The following KIAA1328 variants were observed in gnomAD, a reference collection of about 807,000 sequenced individuals.
KIAA1328 encodes the protein protein hinderin.
A neutral mutation model predicts 68.1 loss-of-function variants in KIAA1328; 52 were observed. The observed-to-expected ratio is 0.76, with a 90% CI of 0.61 to 0.96. The LOEUF is 0.96. KIAA1328 is among the 40% of genes least tolerant of loss of function. The probability of loss-of-function intolerance (pLI) is 0.00; values close to 1 mark genes in which losing one functional copy is unlikely to be tolerated. For missense variants in KIAA1328, 641 were observed against 677.6 expected (o/e 0.95, Z 0.60); for synonymous variants, 232 against 239.4 (o/e 0.97, Z 0.28).
chr18:36,991,941 G>A (rs2151419522), intron 6 of KIAA1328, among the ~76,000 whole-genome samples: 1 of 152,318 alleles, frequency 6.6e-6, no homozygotes, highest in African/African-American at 2.4e-5. Flanking sequence ...AGTTGTAGTT[G>A]TTCGGGGGCC....
chr18:36,988,094 A>G (rs2053020101), intron 6 of KIAA1328, among the ~76,000 whole-genome samples: 1 of 152,340 alleles, frequency 6.6e-6, no homozygotes, highest in East Asian at 1.9e-4. Flanking sequence ...GACACATTAC[A>G]CAGGCTTTAA....
At chr18:37,026,593 C>G (rs1240849191) in intron 6 of KIAA1328, among the ~76,000 whole-genome samples, 1 of 152,118 alleles carries the variant, frequency 6.6e-6, no homozygotes, top group Non-Finnish European at 1.5e-5. Context: ...AAATGTAATC[C>G]ATTGTATAAA....
chr18:37,194,823 G>A (rs925509698), intron 9 of KIAA1328, among the ~76,000 whole-genome samples: 2 of 152,072 alleles, frequency 1.3e-5, no homozygotes, highest in Non-Finnish European at 2.9e-5. Flanking sequence ...ACCACGCCCA[G>A]CTAATTTTTG....
chr18:37,197,033 C>G (rs2060016291), intron 9 of KIAA1328, among the ~76,000 whole-genome samples: 1 of 151,570 alleles, frequency 6.6e-6, no homozygotes, highest in Admixed American at 6.6e-5. Context: ...TGTCCAGGAA[C>G]CTCTCTATTT....
chr18:37,071,502 A>G lies in KIAA1328; in HGVS notation c.1232+3957A>G, dbSNP rs528528575. ...AATAATGCAACAATAAAACTATTAC[A>G]AATAAAAAATATAGTATAGCAAATA... is the stretch of plus-strand genomic sequence containing the variant. On this transcript the variant is annotated intron_variant, in intron 7 of 9. Coordinates refer to ENST00000280020, the MANE Select transcript of KIAA1328 (RefSeq NM_020776.3). Among the ~76,000 whole-genome samples, 13 of 152,344 alleles carry G rather than the reference A, an allele frequency of 8.5e-5. No individual in the cohort carries two copies. The South Asian group carries it at 2.7e-3, about 32-fold the overall frequency.
chr18:37,162,689 C>G (rs2059307681), intron 8 of KIAA1328, among the ~76,000 whole-genome samples: 2 of 152,152 alleles, frequency 1.3e-5, no homozygotes, highest in South Asian at 4.1e-4. Flanking sequence ...GCTTTACCCT[C>G]TTTAGTGTGT....
intron 5 of KIAA1328, among the ~76,000 whole-genome samples, chr18:36,917,410 T>TG (rs1003635156): frequency 6.6e-6 from 1 of 152,046 alleles, no homozygotes; most frequent in Non-Finnish European, 1.5e-5. Context: ...TTTTTAGAGA[T>TG]GGGGTCTCAC....
intron 5 of KIAA1328, among the ~76,000 whole-genome samples, chr18:36,947,293 G>A (rs2050942908): frequency 6.6e-6 from 1 of 152,196 alleles, no homozygotes; most frequent in South Asian, 2.1e-4. Flanking sequence ...TGCCAAATAT[G>A]GGTGACCAAG....
chr18:36,863,679 T>G (rs2047645911), intron 4 of KIAA1328, among the ~76,000 whole-genome samples: 1 of 152,170 alleles, frequency 6.6e-6, no homozygotes, highest in Non-Finnish European at 1.5e-5. Context: ...ATTTAGGTCT[T>G]TGATTTCTTA....
chr18:36,893,891 G>A (rs1263176380), intron 5 of KIAA1328, among the ~76,000 whole-genome samples: 1 of 152,068 alleles, frequency 6.6e-6, no homozygotes, highest in Non-Finnish European at 1.5e-5. Flanking sequence ...ATGGTATTCG[G>A]AGGCAAGACA....
intron 6 of KIAA1328, among the ~76,000 whole-genome samples, chr18:37,018,125 C>T (rs1444093367): frequency 1.3e-5 from 2 of 152,064 alleles, no homozygotes; most frequent in Non-Finnish European, 1.5e-5. Flanking sequence ...CTTAGAACTC[C>T]CGTAAGGCTC....
chr18:36,833,585 A>G (rs2046571023), intron 1 of KIAA1328, among the ~76,000 whole-genome samples: 1 of 152,178 alleles, frequency 6.6e-6, no homozygotes, highest in African/African-American at 2.4e-5. Context: ...CCACTGTGTG[A>G]AAAAATAGGC....
At chr18:36,939,048 G>T (rs2050610555) in intron 5 of KIAA1328, among the ~76,000 whole-genome samples, 1 of 152,038 alleles carries the variant, frequency 6.6e-6, no homozygotes, top group Admixed American at 6.6e-5. Context: ...TGTTCTTGTT[G>T]CTCAAAACTT....
At chr18:36,946,969 G>C (rs2151206601) in intron 5 of KIAA1328, among the ~76,000 whole-genome samples, 1 of 152,232 alleles carries the variant, frequency 6.6e-6, no homozygotes, top group East Asian at 1.9e-4. Flanking sequence ...TGCTTCGTGT[G>C]GGAGAAAGAA....
intron 7 of KIAA1328, among the ~76,000 whole-genome samples, chr18:37,091,020 C>T (rs1013449069): frequency 2.6e-5 from 4 of 152,098 alleles, no homozygotes; most frequent in Admixed American, 6.5e-5. Context: ...AGAATATAGA[C>T]GTTCTCTTGA....
chr18:37,036,151 G>A (rs1271090538), intron 6 of KIAA1328, among the ~76,000 whole-genome samples: 1 of 152,178 alleles, frequency 6.6e-6, no homozygotes, highest in East Asian at 1.9e-4. Flanking sequence ...ACAGATCTTG[G>A]TGCTGCCTTG....
chr18:37,178,279 C>T (rs2059632700), intron 9 of KIAA1328, among the ~76,000 whole-genome samples: 1 of 152,116 alleles, frequency 6.6e-6, no homozygotes, highest in African/African-American at 2.4e-5. Context: ...GTTTCTAGAT[C>T]CCACATACAA....
chr18:37,048,679 A>G (rs952856619), intron 6 of KIAA1328, among the ~76,000 whole-genome samples: 4 of 152,214 alleles, frequency 2.6e-5, no homozygotes, highest in East Asian at 3.8e-4. Context: ...CTAAAAAGCC[A>G]TAAAGATCCC....
intron 9 of KIAA1328, chr18:37,193,662 A>G: frequency 1.4e-6 from 1 of 702,580 alleles, no homozygotes; most frequent in Non-Finnish European, 2.6e-6. Flanking sequence ...ACAAAATGCT[A>G]GGCTACACGG....
Sources: allele counts gnomAD v4.1 joint callset (sites outside exome capture counted in the v4.1 genomes callset), GRCh38; gene constraint gnomAD v4.1.1; transcripts MANE v1.5; gene names NCBI Gene and HGNC (gene_info 2026-07-23, HGNC 2026-07-21).